Variants in HERC1 observed in about 807,000 individuals in gnomAD.
HERC1 encodes the protein HECT and RLD domain containing E3 ubiquitin protein ligase family member 1.
A neutral mutation model predicts 554.3 loss-of-function variants in HERC1; 160 were observed. The observed-to-expected ratio is 0.29, with a 90% CI of 0.25 to 0.33. HERC1 has a LOEUF of 0.33. Among genes scored for constraint, HERC1 ranks in the 10% least tolerant of loss-of-function variants. The pLI is 1.00. For synonymous variants in HERC1, 2,175 were observed against 2,131.7 expected (o/e 1.02, Z -0.56); for missense variants, 4,919 against 5,918.5 (o/e 0.83, Z 5.54).
intron 2 of HERC1, among the ~76,000 whole-genome samples, 198 bp from the exon 3 acceptor site, chr15:63,764,389 A>G (rs998805727): frequency 2.6e-5 from 4 of 152,254 alleles, no homozygotes; most frequent in African/African-American, 9.6e-5. Context: ...CTACTGCATC[A>G]CATGATAAAT....
intron 1 of HERC1, among the ~76,000 whole-genome samples, chr15:63,832,382 C>G (rs1301671274): frequency 6.6e-6 from 1 of 151,942 alleles, no homozygotes. Context: ...ACACATATAT[C>G]AAAGAGACAT....
intron 64 of HERC1, 31 bp from the exon 65 acceptor site, chr15:63,636,173 A>T (rs1001186731): frequency 6.3e-7 from 1 of 1,596,268 alleles, no homozygotes; most frequent in African/African-American, 1.3e-5. Flanking sequence ...AACAGGAGTC[A>T]CTGGATGTTA....
rs1288443882 is a variant in HERC1 at position 63,680,374 on chromosome 15, T to A, written c.6465+163A>T. On this transcript the variant is annotated intron_variant, in intron 35 of 77. Coordinates refer to ENST00000443617, the MANE Select transcript of HERC1 (RefSeq NM_003922.4). The surrounding 1 kb of genome is among the most constrained non-coding windows in gnomAD (Gnocchi z 5.8). Reference sequence around the variant, plus strand: ...CAAAAATCTTATTGGGGTTTTACTATCTTCCTGTTTGTTGTTAATAAATGT... The same window carrying A: ...CAAAAATCTTATTGGGGTTTTACTAACTTCCTGTTTGTTGTTAATAAATGT... Among the ~76,000 whole-genome samples, 1 of 152,206 alleles carries A rather than the reference T, an allele frequency of 6.6e-6. No homozygotes were observed. Among genetic ancestry groups the A allele is most frequent in the African/African-American group, 2.4e-5 (1 of 41,440 alleles).
chr15:63,686,631 T>C (rs1309569195), intron 33 of HERC1, 96 bp from the exon 34 acceptor site: 1 of 979,886 alleles, frequency 1.0e-6, no homozygotes, highest in East Asian at 2.4e-5. Flanking sequence ...CAAATATTTA[T>C]TATGTATCTA....
At chr15:63,690,357 C>T (rs1394080367) in intron 32 of HERC1, among the ~76,000 whole-genome samples, 184 bp downstream of exon 32, 1 of 151,898 alleles carries the variant, frequency 6.6e-6, no homozygotes, top group East Asian at 1.9e-4. Context: ...TTCTCACACC[C>T]CATAACTTAA....
Position 63,669,712 on chromosome 15 carries a change from A to G in HERC1, c.8046-14T>C, listed in dbSNP as rs2070806445. ...GAGAACATTTGCCTTTAAGAAAATAACAGTGGTTAGCATAAAAATCCAATT... is the reference window on the plus strand; with the variant it reads ...GAGAACATTTGCCTTTAAGAAAATAGCAGTGGTTAGCATAAAAATCCAATT... On this transcript the variant is annotated splice_polypyrimidine_tract_variant and intron_variant, in intron 39 of 77. Transcript: ENST00000443617. 2 of 1,610,166 alleles carry G rather than the reference A, an allele frequency of 1.2e-6. No homozygotes were observed. The highest frequency in any genetic ancestry group is 1.7e-6 in the Non-Finnish European group (2 of 1,176,844).
chr15:63,697,744 C>G (rs376739060), intron 26 of HERC1, among the ~76,000 whole-genome samples: 1 of 152,102 alleles, frequency 6.6e-6, no homozygotes, highest in Non-Finnish European at 1.5e-5. Flanking sequence ...AGTGAGCCAC[C>G]GCGCCCGGCC....
At chr15:63,771,018 G>A (rs1437524790) in intron 2 of HERC1, among the ~76,000 whole-genome samples, 6 of 152,082 alleles carry the variant, frequency 3.9e-5, no homozygotes, top group South Asian at 2.1e-4. Context: ...GTGAAACCCC[G>A]TCTCTACTAA....
At chr15:63,766,735 T>C (rs146008811) in intron 2 of HERC1, among the ~76,000 whole-genome samples, 1,570 of 152,350 alleles carry the variant, frequency 0.01, 21 homozygotes, top group African/African-American at 0.036. Context: ...TGGAGTGCAA[T>C]GGCACGATCT....
Position 63,656,238 on chromosome 15 carries a change from A to G in HERC1, c.9720T>C (p.Ser3240=). The change falls in exon 49 of 78, where the codon TCT becomes TCC. Residue 3240 remains serine, a synonymous_variant. Transcript: ENST00000443617. ...AGRAGLSTSP[S]AMASTSERSR... ...ATCGTTCTGAGGTGCTAGCCATGGC[A>G]GAAGGGCTGGTGGAGAGGCCAGCTC... The G allele has an allele frequency of 6.2e-7, 1 of 1,613,794 alleles. No individual in the cohort carries two copies. The highest frequency in any genetic ancestry group is 8.5e-7 in the Non-Finnish European group (1 of 1,179,788).
At position 63,775,126 on chromosome 15, in the gene HERC1, T is replaced by G. The variant is rs757221928; in HGVS notation, c.498A>C (p.Leu166=). The G allele has an allele frequency of 1.7e-5, 27 of 1,614,002 alleles. No homozygotes were observed. Among genetic ancestry groups the G allele is most frequent in the Middle Eastern group, 3.3e-4 (2 of 6,062 alleles). ...ALIEMGVRTG[L]SLLFALLRQS... is the part of the protein sequence containing the mutation. Reference sequence around the variant, plus strand: ...GTCTTAGAAGCGCAAATAATAAACTTAGACCAGTTCGAACACCCATTTCTA... The same window carrying G: ...GTCTTAGAAGCGCAAATAATAAACTGAGACCAGTTCGAACACCCATTTCTA... Residue 166 remains leucine, a synonymous_variant, in exon 2 of 78, where the codon CTA becomes CTC. Coordinates refer to ENST00000443617, the MANE Select transcript of HERC1 (RefSeq NM_003922.4). The surrounding 1 kb of genome is among the most constrained non-coding windows in gnomAD (Gnocchi z 4.0).
At chr15:63,626,355 A>T (rs1245030352) in intron 70 of HERC1, among the ~76,000 whole-genome samples, 2 of 152,188 alleles carry the variant, frequency 1.3e-5, no homozygotes, top group African/African-American at 4.8e-5. Context: ...GGCGGAGAAA[A>T]AAATAAAATA....
At chr15:63,800,466 C>T (rs2076943816) in intron 1 of HERC1, among the ~76,000 whole-genome samples, 1 of 152,194 alleles carries the variant, frequency 6.6e-6, no homozygotes, top group South Asian at 2.1e-4. Flanking sequence ...CTCTTTCACC[C>T]AGTTAATGTT....
intron 47 of HERC1, among the ~76,000 whole-genome samples, 164 bp downstream of exon 47, chr15:63,659,572 T>C (rs1219659720): frequency 6.6e-6 from 1 of 152,204 alleles, no homozygotes; most frequent in Non-Finnish European, 1.5e-5. Context: ...TACCACATTA[T>C]ACCTTCAAAA....
Position 63,674,911 on chromosome 15 carries a change from C to T in HERC1, c.7277G>A (p.Gly2426Glu), listed in dbSNP as rs201836684. Residue 2426 changes from glycine (G) to glutamate (E), a missense_variant, in exon 38 of 78, where the codon GGG becomes GAG. Around this residue, in one of 11 missense-constraint regions of HERC1, gnomAD observed 1,963 missense variants for 2,228.6 expected, o/e 0.88. Transcript: ENST00000443617. Reference sequence around the variant, plus strand: ...ACTCTCAGGTTTCTGCTCAACATCCCCTTTCTCCTCGGATTCATGTCGGTG... The same window carrying T: ...ACTCTCAGGTTTCTGCTCAACATCCTCTTTCTCCTCGGATTCATGTCGGTG... The part of the protein sequence containing the change: ...KKHRHESEEK[G>E]DVEQKPESES... The T allele has an allele frequency of 2.5e-6, 4 of 1,613,992 alleles. No homozygotes were observed. Among genetic ancestry groups the T allele is most frequent in the African/African-American group, 2.7e-5 (2 of 75,040 alleles).
At chr15:63,816,522 T>C (rs1026648111) in intron 1 of HERC1, among the ~76,000 whole-genome samples, 9 of 152,228 alleles carry the variant, frequency 5.9e-5, no homozygotes, top group African/African-American at 2.2e-4. Flanking sequence ...ATATCAACAT[T>C]GTCCTCTTAA....
intron 12 of HERC1, among the ~76,000 whole-genome samples, chr15:63,741,638 T>C (rs576178765): frequency 2.2e-4 from 33 of 152,352 alleles, no homozygotes; most frequent in African/African-American, 7.7e-4. Context: ...ATAGCTCTTA[T>C]ATTTAGGTCT....
chr15:63,622,098 T>G (rs2068103227), intron 74 of HERC1, among the ~76,000 whole-genome samples: 1 of 152,176 alleles, frequency 6.6e-6, no homozygotes, highest in Non-Finnish European at 1.5e-5. Context: ...ATTCAAAATT[T>G]TGCAAATATA....
At chr15:63,695,601 T>A (rs898022366) in intron 27 of HERC1, among the ~76,000 whole-genome samples, 2 of 151,752 alleles carry the variant, frequency 1.3e-5, no homozygotes, top group African/African-American at 2.4e-5. Flanking sequence ...TTGGCCAGGC[T>A]GGTCTTGAAC....
Sources: gnomAD v4.1 joint callset for allele counts (sites outside exome capture counted in the v4.1 genomes callset) on GRCh38, gnomAD v4.1.1 for gene constraint, gnomAD v4.1.1 regional missense constraint, Gnocchi (gnomAD v3.1) non-coding constraint, MANE v1.5 for transcripts, NCBI Gene and HGNC (gene_info 2026-07-23, HGNC 2026-07-21) for gene names.